UNC13C: variants seen among roughly 807,000 people sequenced by gnomAD.
The protein encoded by UNC13C is unc-13 homolog C, also known as protein unc-13 homolog C.
In UNC13C, 174 loss-of-function variants were observed where a neutral mutation model predicts 245.4. The ratio of observed to expected loss-of-function variants is 0.71; its 90% CI spans 0.63 to 0.80. The LOEUF (loss-of-function observed/expected upper bound fraction) is 0.80. Ranked by LOEUF, UNC13C falls within the 30% of genes least tolerant of loss-of-function variation. The pLI, the probability that UNC13C is intolerant of heterozygous loss-of-function variation, is 0.00. For missense variants in UNC13C, 2,829 were observed against 2,602.9 expected (o/e 1.09, Z -1.89); for synonymous variants, 992 against 895.1 (o/e 1.11, Z -1.93).
At chr15:54,249,276 C>A (rs1322512740) in intron 7 of UNC13C, among the ~76,000 whole-genome samples, 1 of 151,408 alleles carries the variant, frequency 6.6e-6, no homozygotes, top group African/African-American at 2.4e-5. Context: ...ATACTAAGTG[C>A]TTATTTGGTG....
intron 13 of UNC13C, among the ~76,000 whole-genome samples, chr15:54,315,805 A>G (rs1160449474): frequency 6.6e-6 from 1 of 151,750 alleles, no homozygotes; most frequent in Non-Finnish European, 1.5e-5. Context: ...TAGTCACTCA[A>G]ACTAGAACCT....
chr15:54,508,597 A>T (rs1894588879), intron 23 of UNC13C, among the ~76,000 whole-genome samples: 1 of 152,148 alleles, frequency 6.6e-6, no homozygotes, highest in South Asian at 2.1e-4. Context: ...TTTCTTCCAT[A>T]ATTACTAATA....
the UNC13C span, among the ~76,000 whole-genome samples, chr15:53,865,970 A>C: frequency 1.3e-5 from 2 of 152,178 alleles, no homozygotes; most frequent in Non-Finnish European, 2.9e-5. Context: ...ATAACAAATA[A>C]ATAACTAAAA....
the UNC13C span, among the ~76,000 whole-genome samples, chr15:53,884,992 C>T: frequency 4.6e-5 from 7 of 152,264 alleles, no homozygotes; most frequent in African/African-American, 1.7e-4. Flanking sequence ...ACTAATACTG[C>T]AATGGTAGAA....
At chr15:53,932,794 A>C in the UNC13C span, among the ~76,000 whole-genome samples, 25 of 152,174 alleles carry the variant, frequency 1.6e-4, no homozygotes. Flanking sequence ...AGTCCCATGC[A>C]TACTTAGGCC....
the UNC13C span, among the ~76,000 whole-genome samples, chr15:53,898,523 G>A: frequency 1.3e-5 from 2 of 152,014 alleles, no homozygotes; most frequent in African/African-American, 2.4e-5. Context: ...TAAAGAGGGA[G>A]GTTACCCTGA....
chr15:53,867,445 G>GCAGCC, the UNC13C span, among the ~76,000 whole-genome samples: 1 of 152,116 alleles, frequency 6.6e-6, no homozygotes, highest in African/African-American at 2.4e-5. Context: ...CCCTCTCTCC[G>GCAGCC]CAGCCCAGCG....
intron 14 of UNC13C, among the ~76,000 whole-genome samples, chr15:54,325,798 C>G (rs933176700): frequency 7.2e-5 from 11 of 151,986 alleles, no homozygotes; most frequent in Admixed American, 4.6e-4. Flanking sequence ...ACTATTCTTT[C>G]AAGGAACTTA....
intron 10 of UNC13C, among the ~76,000 whole-genome samples, chr15:54,290,182 A>G (rs376735775): frequency 2.6e-5 from 4 of 152,106 alleles, no homozygotes; most frequent in African/African-American, 9.7e-5. Flanking sequence ...ACATAATGAC[A>G]AACTTAATAT....
At chr15:54,131,257 C>T (rs1361841196) in intron 2 of UNC13C, among the ~76,000 whole-genome samples, 6 of 152,086 alleles carry the variant, frequency 3.9e-5, no homozygotes, top group Admixed American at 3.3e-4. Flanking sequence ...TGCTTTATTG[C>T]CTGGCAGACT....
intron 24 of UNC13C, among the ~76,000 whole-genome samples, chr15:54,514,809 G>A (rs183352679): frequency 6.6e-6 from 1 of 152,252 alleles, no homozygotes; most frequent in East Asian, 1.9e-4. Flanking sequence ...TGGAAGCATT[G>A]CTTAACACCA....
intron 4 of UNC13C, among the ~76,000 whole-genome samples, chr15:54,170,232 T>G (rs1043369692): frequency 1.3e-5 from 2 of 152,138 alleles, no homozygotes; most frequent in East Asian, 3.9e-4. Flanking sequence ...GAGAAGCATT[T>G]GTATATGAGA....
At chr15:54,323,469 T>C (rs2140982701) in intron 14 of UNC13C, among the ~76,000 whole-genome samples, 1 of 152,150 alleles carries the variant, frequency 6.6e-6, no homozygotes, top group Non-Finnish European at 1.5e-5. Context: ...ATGAAGAAGA[T>C]AATTCTTACT....
chr15:54,186,280 T>G (rs921886229), intron 4 of UNC13C, among the ~76,000 whole-genome samples: 6 of 152,280 alleles, frequency 3.9e-5, no homozygotes, highest in East Asian at 1.9e-4. Context: ...CTGCCTGATT[T>G]CCCTGGCCAG....
chr15:54,356,780 C>A (rs1007448191), intron 17 of UNC13C, among the ~76,000 whole-genome samples: 1 of 152,110 alleles, frequency 6.6e-6, no homozygotes, highest in African/African-American at 2.4e-5. Context: ...AGACCGTAGT[C>A]ATTGTCTTAA....
In UNC13C at chr15:54,523,231, A is replaced by G. The variant is rs118150511; in HGVS notation, c.5458-2318A>G. Among the ~76,000 whole-genome samples, 1,182 of 152,280 alleles carry G rather than the reference A, an allele frequency of 7.8e-3. 7 individuals carry two copies. Among genetic ancestry groups the G allele is most frequent in the Middle Eastern group, 0.01 (3 of 292 alleles). ...TGCTACCTAAAGAGATTGTTTTATT[A>G]TTAGATGAGTATGATAATTATGTCC... On this transcript the variant is annotated intron_variant, in intron 24 of 32. Transcript: ENST00000260323.
intron 10 of UNC13C, among the ~76,000 whole-genome samples, chr15:54,285,258 T>C (rs2037112852): frequency 6.6e-6 from 1 of 152,002 alleles, no homozygotes; most frequent in Non-Finnish European, 1.5e-5. Context: ...GAGGACTCTT[T>C]TTTTTTTTAA....
intron 2 of UNC13C, among the ~76,000 whole-genome samples, chr15:54,063,992 A>C (rs982553529): frequency 6.6e-6 from 1 of 152,204 alleles, no homozygotes; most frequent in East Asian, 1.9e-4. Context: ...GCCCACAACC[A>C]GGTGAAAACA....
chr15:54,601,104 T>C (rs1248561115), intron 30 of UNC13C, among the ~76,000 whole-genome samples: 1 of 152,214 alleles, frequency 6.6e-6, no homozygotes, highest in Non-Finnish European at 1.5e-5. Context: ...TTGGACAAGC[T>C]TGATCTAATG....
Sources: allele counts gnomAD v4.1 joint callset (sites outside exome capture counted in the v4.1 genomes callset), GRCh38; gene constraint gnomAD v4.1.1; transcripts MANE v1.5; gene names NCBI Gene and HGNC (gene_info 2026-07-23, HGNC 2026-07-21).